The following NEGR1 variants were observed in gnomAD, a reference collection of about 807,000 sequenced individuals.
NEGR1 encodes neuronal growth regulator 1, also known as IgLON family member 4.
NEGR1 carries 10 observed loss-of-function variants against 40.9 expected under a neutral mutation model. That is an observed-to-expected ratio of 0.24 (90% CI 0.15 to 0.42). The LOEUF is 0.42. Ranked by LOEUF, NEGR1 falls within the 10% of genes least tolerant of loss-of-function variation. The pLI, the probability that NEGR1 is intolerant of heterozygous loss-of-function variation, is 1.00. For synonymous variants in NEGR1, 185 were observed against 166.8 expected, an observed-to-expected ratio of 1.11 and a Z score of -0.84; for missense variants, 352 against 438.9, an observed-to-expected ratio of 0.80 and a Z score of 1.77.
At chr1:71,999,652 T>C (rs969810134) in intron 1 of NEGR1, among the ~76,000 whole-genome samples, 2 of 43,888 alleles carry the variant, frequency 4.6e-5, no homozygotes, top group Non-Finnish European at 5.8e-5. Context: ...TATATATATA[T>C]ATATATATAT....
chr1:72,064,744 C>A (rs1455258552), intron 1 of NEGR1, among the ~76,000 whole-genome samples: 2 of 151,984 alleles, frequency 1.3e-5, no homozygotes, highest in Non-Finnish European at 2.9e-5. Context: ...ACCTTGATAC[C>A]TGACATTTAA....
At chr1:72,109,313 G>C (rs1649261162) in intron 1 of NEGR1, among the ~76,000 whole-genome samples, 1 of 151,562 alleles carries the variant, frequency 6.6e-6, no homozygotes, top group African/African-American at 2.4e-5. Flanking sequence ...TTATTCCAAA[G>C]AAGATTGAGG....
intron 1 of NEGR1, among the ~76,000 whole-genome samples, chr1:72,100,035 T>G (rs1569963163): frequency 6.6e-6 from 1 of 152,122 alleles, no homozygotes; most frequent in East Asian, 1.9e-4. Flanking sequence ...CATAGAAGAT[T>G]GGAATTTAAA....
intron 3 of NEGR1, among the ~76,000 whole-genome samples, chr1:71,707,555 A>G (rs1258059014): frequency 6.6e-6 from 1 of 152,126 alleles, no homozygotes; most frequent in African/African-American, 2.4e-5. Context: ...TTTTGGACCC[A>G]CCCAGGGCCT....
chr1:71,982,927 T>C (rs2100342000), intron 1 of NEGR1, among the ~76,000 whole-genome samples: 1 of 152,254 alleles, frequency 6.6e-6, no homozygotes, highest in Non-Finnish European at 1.5e-5. Flanking sequence ...GATAAGTGCA[T>C]TCTACTTCAC....
At chr1:71,991,635 A>C (rs1213023319) in intron 1 of NEGR1, among the ~76,000 whole-genome samples, 1 of 151,872 alleles carries the variant, frequency 6.6e-6, no homozygotes, top group African/African-American at 2.4e-5. Flanking sequence ...ACTTCTCTAT[A>C]CTCTAACTGA....
intron 1 of NEGR1, among the ~76,000 whole-genome samples, chr1:72,105,470 G>A (rs1024332503): frequency 3.3e-5 from 5 of 151,958 alleles, no homozygotes; most frequent in African/African-American, 7.3e-5. Context: ...GTGGGGGGCC[G>A]AGGCAGGAGG....
chr1:71,733,099 T>C (rs1654942757), intron 3 of NEGR1, among the ~76,000 whole-genome samples: 1 of 150,872 alleles, frequency 6.6e-6, no homozygotes, highest in Non-Finnish European at 1.5e-5. Context: ...CTACAGATCA[T>C]CTACTGGAAT....
At chr1:71,761,523 T>G (rs1655940766) in intron 3 of NEGR1, among the ~76,000 whole-genome samples, 1 of 152,176 alleles carries the variant, frequency 6.6e-6, no homozygotes, top group South Asian at 2.1e-4. Flanking sequence ...AATATTAAAC[T>G]TATAGCTGAG....
intron 1 of NEGR1, among the ~76,000 whole-genome samples, chr1:72,090,568 CCA>C (rs959431053): frequency 1.3e-5 from 2 of 151,906 alleles, no homozygotes; most frequent in African/African-American, 4.8e-5. Flanking sequence ...ATTTTTTTCT[CCA>C]TTGCCTTTAA....
intron 3 of NEGR1, among the ~76,000 whole-genome samples, chr1:71,707,395 C>G (rs973783148): frequency 2.5e-4 from 38 of 152,186 alleles, no homozygotes; most frequent in African/African-American, 8.9e-4. Context: ...GTGGTGGCTA[C>G]AGGGTGAGGC....
intron 6 of NEGR1, among the ~76,000 whole-genome samples, chr1:71,513,189 G>GT (rs1251366812): frequency 3.9e-5 from 6 of 151,978 alleles, no homozygotes; most frequent in East Asian, 3.8e-4. Flanking sequence ...AAAATGTGAG[G>GT]TTTTTTGTTG....
At chr1:71,550,467 AT>A (rs553120358) in intron 6 of NEGR1, among the ~76,000 whole-genome samples, 25 of 148,096 alleles carry the variant, frequency 1.7e-4, no homozygotes, top group South Asian at 4.3e-4. Context: ...TTACTTACCC[AT>A]TTTTTTTTTC....
chr1:71,651,412 CG>C (rs1302742215), intron 4 of NEGR1, among the ~76,000 whole-genome samples: 1 of 152,078 alleles, frequency 6.6e-6, no homozygotes, highest in East Asian at 1.9e-4. Flanking sequence ...ATCCAGCACA[CG>C]GGATTGTTTT....
chr1:71,744,557 C>G (rs541995757), intron 3 of NEGR1, among the ~76,000 whole-genome samples: 9 of 151,904 alleles, frequency 5.9e-5, no homozygotes, highest in Non-Finnish European at 1.2e-4. Context: ...TACTCAGTTC[C>G]CTTTTAAGAT....
At chr1:71,702,152 A>G (rs2101632989) in intron 3 of NEGR1, among the ~76,000 whole-genome samples, 1 of 152,192 alleles carries the variant, frequency 6.6e-6, no homozygotes, top group South Asian at 2.1e-4. Flanking sequence ...AAAATTTTTA[A>G]ATCAACTCAA....
At chr1:72,072,470 G>A (rs1056976336) in intron 1 of NEGR1, among the ~76,000 whole-genome samples, 1 of 152,104 alleles carries the variant, frequency 6.6e-6, no homozygotes, top group Non-Finnish European at 1.5e-5. Context: ...TACAAATAAA[G>A]TTTATTTGCA....
intron 6 of NEGR1, among the ~76,000 whole-genome samples, chr1:71,581,281 A>G (rs972236782): frequency 4.6e-5 from 7 of 152,308 alleles, no homozygotes; most frequent in Admixed American, 1.3e-4. Context: ...TTTATTGCTT[A>G]GTTCATTGTC....
chr1:71,547,345 G>A (rs1204786600), intron 6 of NEGR1, among the ~76,000 whole-genome samples: 2 of 151,718 alleles, frequency 1.3e-5, no homozygotes, highest in African/African-American at 4.8e-5. Flanking sequence ...TTTGTTAGGC[G>A]ATAATTAATT....
Sources: gnomAD v4.1 joint callset for allele counts (sites outside exome capture counted in the v4.1 genomes callset) on GRCh38, gnomAD v4.1.1 for gene constraint, MANE v1.5 for transcripts, NCBI Gene and HGNC (gene_info 2026-07-23, HGNC 2026-07-21) for gene names.